The following CAMK1D variants were observed in gnomAD, a reference collection of about 807,000 sequenced individuals.
CAMK1D encodes the protein calcium/calmodulin dependent protein kinase ID.
A neutral mutation model predicts 47.7 loss-of-function variants in CAMK1D; 9 were observed. The observed-to-expected ratio is 0.19, with a 90% CI of 0.11 to 0.33. The LOEUF is 0.33. CAMK1D is among the 10% of genes least tolerant of loss of function. The probability of loss-of-function intolerance (pLI) is 1.00; values close to 1 mark genes in which losing one functional copy is unlikely to be tolerated. For missense variants in CAMK1D, 291 were observed against 488.7 expected, an observed-to-expected ratio of 0.60 and a Z score of 3.81; for synonymous variants, 184 against 184.9, an observed-to-expected ratio of 0.99 and a Z score of 0.04.
intron 3 of CAMK1D, among the ~76,000 whole-genome samples, chr10:12,737,988 A>G (rs1835258856): frequency 6.6e-6 from 1 of 152,202 alleles, no homozygotes; most frequent in Admixed American, 6.5e-5. Context: ...TACTCAGTGT[A>G]AAATCAAAAA....
chr10:12,672,650 C>T (rs1164674290), intron 3 of CAMK1D, among the ~76,000 whole-genome samples: 1 of 152,010 alleles, frequency 6.6e-6, no homozygotes, highest in South Asian at 2.1e-4. Context: ...GGATTACAGA[C>T]GTGAGCCACT....
At chr10:12,766,281 C>T (rs539034848) in intron 4 of CAMK1D, among the ~76,000 whole-genome samples, 4 of 143,478 alleles carry the variant, frequency 2.8e-5, no homozygotes, top group African/African-American at 1.0e-4. Flanking sequence ...CCAGCCCTGG[C>T]CCCGTGCCCT....
At chr10:12,547,701 C>CACACACACACACACACA (rs1554786385) in intron 1 of CAMK1D, among the ~76,000 whole-genome samples, 2 of 143,852 alleles carry the variant, frequency 1.4e-5, no homozygotes, top group African/African-American at 2.6e-5. Context: ...CACACACACA[C>CACACACACACACACACA]CACTGTGTTA....
chr10:12,615,752 TTGTG>T (rs1264481972), intron 2 of CAMK1D, among the ~76,000 whole-genome samples: 1 of 149,454 alleles, frequency 6.7e-6, no homozygotes, highest in Non-Finnish European at 1.5e-5. Flanking sequence ...GTGTGTATAG[TTGTG>T]TGCGTAGGTG....
chr10:12,746,636 A>G (rs1835693682), intron 3 of CAMK1D, among the ~76,000 whole-genome samples: 2 of 151,914 alleles, frequency 1.3e-5, no homozygotes, highest in South Asian at 2.1e-4. Context: ...CTCTTTCCAC[A>G]TTATTTTTTC....
At chr10:12,376,162 C>CAA (rs59804213) in intron 1 of CAMK1D, among the ~76,000 whole-genome samples, 9,705 of 60,410 alleles carry the variant, frequency 0.16, 668 homozygotes, top group African/African-American at 0.26. Flanking sequence ...GACTCTGTCC[C>CAA]AAAAAAAAAA....
intron 3 of CAMK1D, among the ~76,000 whole-genome samples, chr10:12,757,504 T>C (rs373413248): frequency 3.9e-5 from 6 of 152,260 alleles, no homozygotes; most frequent in Middle Eastern, 3.4e-3. Flanking sequence ...AACCTAAGCA[T>C]GGTCTGCAAG....
At chr10:12,755,108 A>G (rs1477748248) in intron 3 of CAMK1D, among the ~76,000 whole-genome samples, 1 of 152,240 alleles carries the variant, frequency 6.6e-6, no homozygotes, top group Non-Finnish European at 1.5e-5. Flanking sequence ...ATACTGTGAA[A>G]TGGAATTCTA....
At chr10:12,530,663 C>CG (rs1298947749) in intron 1 of CAMK1D, among the ~76,000 whole-genome samples, 1 of 152,122 alleles carries the variant, frequency 6.6e-6, no homozygotes, top group Non-Finnish European at 1.5e-5. Context: ...GGGGAGGCAG[C>CG]GGTTCCCCCT....
chr10:12,352,590 C>T (rs1404534985), intron 1 of CAMK1D, among the ~76,000 whole-genome samples: 1 of 151,442 alleles, frequency 6.6e-6, no homozygotes, highest in African/African-American at 2.4e-5. Flanking sequence ...GCCTGGGCCA[C>T]AGAGTGAGAC....
At chr10:12,627,957 T>A (rs990769423) in intron 2 of CAMK1D, among the ~76,000 whole-genome samples, 8 of 151,912 alleles carry the variant, frequency 5.3e-5, no homozygotes, top group African/African-American at 1.9e-4. Context: ...GGCGCACACC[T>A]GTAATCCCGG....
Position 12,518,496 on chromosome 10 carries a change from T to A in CAMK1D, c.93-34729T>A. 5.9e-5 allele frequency among the ~76,000 whole-genome samples: 2 copies of A among 33,980 alleles called. 1 individual carries two copies. Among genetic ancestry groups the A allele is most frequent in the Middle Eastern group, 0.025 (2 of 80 alleles). The allele number at this position is 33,980 out of a possible 152,430, so 22.3% of individuals were successfully genotyped here. On this transcript the variant is annotated intron_variant, in intron 1 of 10. Coordinates refer to ENST00000619168, the MANE Select transcript of CAMK1D (RefSeq NM_153498.4). ...TCTTTTTTTATTTTTTATTTTTTAT[T>A]TTTTTTTTTTATTGATCATTCTTGG... is the stretch of plus-strand genomic sequence containing the variant.
intron 3 of CAMK1D, among the ~76,000 whole-genome samples, chr10:12,760,119 C>G (rs938896725): frequency 6.6e-6 from 1 of 152,158 alleles, no homozygotes; most frequent in African/African-American, 2.4e-5. Context: ...GGCTTGTACA[C>G]TTCCATTATT....
intron 3 of CAMK1D, among the ~76,000 whole-genome samples, chr10:12,726,565 C>T (rs1019079133): frequency 2.0e-5 from 3 of 152,228 alleles, no homozygotes; most frequent in African/African-American, 7.2e-5. Flanking sequence ...AATAATTCTA[C>T]AGAAGCCACG....
chr10:12,607,282 A>G (rs1838491798), intron 2 of CAMK1D, among the ~76,000 whole-genome samples: 1 of 152,150 alleles, frequency 6.6e-6, no homozygotes, highest in Non-Finnish European at 1.5e-5. Flanking sequence ...GCCAAGTAGA[A>G]ATTTATCATC....
intron 1 of CAMK1D, among the ~76,000 whole-genome samples, chr10:12,375,075 G>A (rs1005659568): frequency 1.3e-5 from 2 of 152,088 alleles, no homozygotes; most frequent in Non-Finnish European, 2.9e-5. Flanking sequence ...GGGATTATAG[G>A]TGTGAGCCAC....
intron 1 of CAMK1D, among the ~76,000 whole-genome samples, chr10:12,494,736 T>A (rs920109881): frequency 1.3e-5 from 2 of 152,100 alleles, no homozygotes; most frequent in African/African-American, 2.4e-5. Context: ...GGCTAATTTT[T>A]TTTTGTATTT....
chr10:12,783,108 T>A (rs1005726363), intron 5 of CAMK1D, among the ~76,000 whole-genome samples: 3 of 150,998 alleles, frequency 2.0e-5, no homozygotes, highest in African/African-American at 7.3e-5. Context: ...TTCTCCTGCC[T>A]CAGCCTCCAG....
chr10:12,564,715 A>G (rs1837067992), intron 2 of CAMK1D, among the ~76,000 whole-genome samples: 1 of 152,202 alleles, frequency 6.6e-6, no homozygotes, highest in Non-Finnish European at 1.5e-5. Context: ...AATAGTTTTG[A>G]CTATATGATA....
Sources: allele counts gnomAD v4.1 joint callset (sites outside exome capture counted in the v4.1 genomes callset), GRCh38; gene constraint gnomAD v4.1.1; transcripts MANE v1.5; gene names NCBI Gene and HGNC (gene_info 2026-07-23, HGNC 2026-07-21).